The following RPL28 variants were observed in gnomAD, a reference collection of about 807,000 sequenced individuals.
The protein encoded by RPL28 is large ribosomal subunit protein eL28.
RPL28 carries 4 observed loss-of-function variants against 12.5 expected under a neutral mutation model. The ratio of observed to expected loss-of-function variants is 0.32; its 90% CI spans 0.16 to 0.73. RPL28 has a LOEUF of 0.73. RPL28 is among the 30% of genes least tolerant of loss of function. The pLI, the probability that RPL28 is intolerant of heterozygous loss-of-function variation, is 0.66. For synonymous variants in RPL28, 91 were observed against 72.5 expected, an observed-to-expected ratio of 1.26 and a Z score of -1.30; for missense variants, 214 against 197.7, an observed-to-expected ratio of 1.08 and a Z score of -0.49.
At chr19:55,387,519 C>T in intron 3 of RPL28, 2 of 1,439,328 alleles carry the variant, frequency 1.4e-6, no homozygotes, top group Non-Finnish European at 9.1e-7. Flanking sequence ...AGGGACTGGC[C>T]TGAGTGAGGC....
rs1421593627 is a variant in RPL28 at position 55,388,246 on chromosome 19, G to T, written c.328G>T (p.Ala110Ser). Residue 110 changes from alanine to serine, a missense_variant, in exon 5 of 5, where the codon GCC becomes TCC. Ala to Ser is a moderately conservative substitution (Grantham distance 99). Coordinates refer to ENST00000344063, the MANE Select transcript of RPL28 (RefSeq NM_000991.5). ...NKYRPDLRMA[A>S]IRRASAILRS... is the part of the protein sequence containing the mutation. ...TGCTCTGCTCCCCCGCCCCCAGGCA[G>T]CCATCCGCAGGGCCAGCGCCATCCT... 1 of 1,549,810 alleles carries T rather than the reference G, an allele frequency of 6.5e-7. No homozygotes were observed. Among genetic ancestry groups the T allele is most frequent in the Non-Finnish European group, 8.7e-7 (1 of 1,149,656 alleles).
At position 55,389,664 on chromosome 19, in the gene RPL28, C is replaced by G. The variant is rs1049239991; in HGVS notation, c.*1332C>G. On this transcript the variant is annotated 3_prime_UTR_variant, in exon 5 of 5. Transcript: ENST00000344063. Reference sequence around the variant, plus strand: ...CTCAGTCCTGTCTGCTCCAGTCTTGCCCAGCTCGAAGGAGAGCAGATCTGA... The same window carrying G: ...CTCAGTCCTGTCTGCTCCAGTCTTGGCCAGCTCGAAGGAGAGCAGATCTGA... The G allele has an allele frequency of 2.0e-6, 2 of 985,448 alleles. No homozygotes were observed. The highest frequency in any genetic ancestry group is 3.5e-5 in the African/African-American group (2 of 57,240). 61.0% of individuals were successfully genotyped at this position (985,448 alleles called of 1,614,324 possible).
At position 55,390,817 on chromosome 19, in the gene RPL28, A is replaced by G. The variant is rs113528824; in HGVS notation, c.*2485A>G. ...GAGGGAGATGGTCTCAGCCCCACAG[A>G]GTTTGGAGTCCTCAGTGTGCTGAGC... On this transcript the variant is annotated 3_prime_UTR_variant, in exon 5 of 5. Transcript: ENST00000344063. 27 of 985,372 alleles carry G rather than the reference A, an allele frequency of 2.7e-5. No homozygotes were observed. In the African/African-American group the frequency reaches 4.2e-4, roughly 15 times the overall value. 61.0% of individuals were successfully genotyped at this position (985,372 alleles called of 1,614,324 possible).
chr19:55,399,119 TGAG>T (rs2090040054), intron 4 of RPL28, among the ~76,000 whole-genome samples: 1 of 152,006 alleles, frequency 6.6e-6, no homozygotes, highest in Non-Finnish European at 1.5e-5. Context: ...TCCGAAGAGC[TGAG>T]ATTACAGGCG....
chr19:55,403,220 C>T (rs1045532646), exon 5 of RPL28: 28 of 621,248 alleles, frequency 4.5e-5, no homozygotes, highest in Admixed American at 1.6e-4. Context: ...TGAACCCTAT[C>T]GCTATTAAAA....
chr19:55,395,594 C>G (rs1449988328), downstream of RPL28, among the ~76,000 whole-genome samples: 3 of 151,988 alleles, frequency 2.0e-5, no homozygotes, highest in East Asian at 1.9e-4. Flanking sequence ...CAGGCGCCCA[C>G]CACCACACCC....
At position 55,389,635 on chromosome 19, in the gene RPL28, C is replaced by A; in HGVS notation, c.*1303C>A. 1.0e-6 allele frequency: 1 copy of A among 985,518 alleles called. No individual in the cohort carries two copies. The highest frequency in any genetic ancestry group is 4.7e-5 in the South Asian group (1 of 21,288). The allele number at this position is 985,518 out of a possible 1,614,324, so 61.0% of individuals were successfully genotyped here. ...GTTTTGAGGCAGACCACTGCCCTTC[C>A]GACCTCAGTCCTGTCTGCTCCAGTC... is the stretch of plus-strand genomic sequence containing the variant. On this transcript the variant is annotated 3_prime_UTR_variant, in exon 5 of 5. Transcript: ENST00000344063.
At chr19:55,393,628 T>C (rs2090005323), downstream of RPL28, among the ~76,000 whole-genome samples, 1 of 141,974 alleles carries the variant, frequency 7.0e-6, no homozygotes, top group Non-Finnish European at 1.5e-5. Flanking sequence ...CAATCACCAA[T>C]TTGTTTTTTT....
chr19:55,402,927 C>CTT (rs112400318), intron 4 of RPL28: 74 of 1,147,418 alleles, frequency 6.4e-5, no homozygotes, highest in Admixed American at 1.8e-4. Flanking sequence ...ATTTGGTTAA[C>CTT]TTTTTTTTTT....
intron 4 of RPL28, chr19:55,399,759 A>G (rs989706106): frequency 2.0e-5 from 3 of 152,142 alleles, no homozygotes; most frequent in African/African-American, 7.2e-5. Flanking sequence ...GGCAAATATT[A>G]TTTTTATTAT....
chr19:55,392,184 C>A, downstream of RPL28: 1 of 885,372 alleles, frequency 1.1e-6, no homozygotes, highest in Non-Finnish European at 1.4e-6. Flanking sequence ...CTAAGTTAGC[C>A]ACCTGTGCTT....
chr19:55,398,867 G>C (rs2090038863), intron 4 of RPL28, among the ~76,000 whole-genome samples: 1 of 152,044 alleles, frequency 6.6e-6, no homozygotes, highest in African/African-American at 2.4e-5. Context: ...ATGCCTGGCT[G>C]ATTTTTATAT....
chr19:55,386,523 G>A, intron 2 of RPL28, 47 bp from the exon 3 acceptor site: 4 of 1,598,784 alleles, frequency 2.5e-6, no homozygotes, highest in Non-Finnish European at 3.4e-6. Context: ...ACCTTCGCAT[G>A]TCTCCGGGTC....
downstream of RPL28, among the ~76,000 whole-genome samples, chr19:55,392,965 C>T (rs1274274471): frequency 1.3e-5 from 2 of 152,080 alleles, no homozygotes; most frequent in South Asian, 2.1e-4. Flanking sequence ...TGGCCATCAG[C>T]GCTGCATTGA....
At position 55,386,415 on chromosome 19, in the gene RPL28, A is replaced by G. The variant is rs746963398; in HGVS notation, c.58A>G (p.Arg20Gly). ...VRNCSSFLIKRNKQTYSTEPN... is the reference protein window; with the variant it reads ...VRNCSSFLIKGNKQTYSTEPN... ...GAACTGCTCCAGTTTCCTGATCAAG[A>G]GGAATAAGCAGACCTACAGCACTGT... Residue 20 changes from arginine to glycine, a missense_variant, in exon 2 of 5, where the codon AGG (arginine) becomes GGG (glycine). By Grantham distance (125) the Arg-to-Gly change is moderately radical (BLOSUM62 -2). Transcript: ENST00000344063. The G allele has an allele frequency of 1.1e-5, 18 of 1,614,094 alleles. No individual in the cohort carries two copies. The highest frequency in any genetic ancestry group is 1.5e-5 in the Non-Finnish European group (18 of 1,180,010).
chr19:55,392,962 C>G (rs2090000663), downstream of RPL28, among the ~76,000 whole-genome samples: 1 of 152,100 alleles, frequency 6.6e-6, no homozygotes, highest in Non-Finnish European at 1.5e-5. Flanking sequence ...CGATGGCCAT[C>G]AGCGCTGCAT....
chr19:55,389,040 G>T lies in RPL28; in HGVS notation c.*708G>T. The T allele has an allele frequency of 2.0e-6, 2 of 985,536 alleles. No individual in the cohort carries two copies. The highest frequency in any genetic ancestry group is 2.4e-6 in the Non-Finnish European group (2 of 830,048). The allele number at this position is 985,536 out of a possible 1,614,324, so 61.0% of individuals were successfully genotyped here. ...CTCTTGTCACTTAGGTCTCATCTCA[G>T]TGGCCGCTCCTGGGCCACCCTGTCA... On this transcript the variant is annotated 3_prime_UTR_variant, in exon 5 of 5. Transcript: ENST00000344063.
At chr19:55,387,328 A>T (rs1303455203) in intron 3 of RPL28, 13 of 1,551,588 alleles carry the variant, frequency 8.4e-6, no homozygotes. Flanking sequence ...CCTCAGAGCC[A>T]AGGGTCCTTT....
chr19:55,392,838 T>C (rs536578408), downstream of RPL28, among the ~76,000 whole-genome samples: 1 of 152,254 alleles, frequency 6.6e-6, no homozygotes, highest in African/African-American at 2.4e-5. Flanking sequence ...CCCAGCCTCA[T>C]CTTTTAATGT....
Sources: allele counts gnomAD v4.1 joint callset (sites outside exome capture counted in the v4.1 genomes callset), GRCh38; gene constraint gnomAD v4.1.1; transcripts MANE v1.5; gene names NCBI Gene and HGNC (gene_info 2026-07-23, HGNC 2026-07-21).